Variants in EAF1 observed in about 807,000 individuals in gnomAD.
EAF1 encodes ELL associated factor 1.
EAF1 carries 19 observed loss-of-function variants against 26.6 expected under a neutral mutation model. The ratio of observed to expected loss-of-function variants is 0.71; its 90% CI spans 0.50 to 1.05. The LOEUF (loss-of-function observed/expected upper bound fraction) is 1.05. EAF1 is among the 50% of genes least tolerant of loss of function. EAF1 has a pLI of 0.00. For missense variants in EAF1, 260 were observed against 335.5 expected, an observed-to-expected ratio of 0.78 and a Z score of 1.76; for synonymous variants, 102 against 120.6, an observed-to-expected ratio of 0.85 and a Z score of 1.01.
chr3:15,432,911 GAT>G, intron 3 of EAF1, among the ~76,000 whole-genome samples: 1 of 151,594 alleles, frequency 6.6e-6, no homozygotes. Flanking sequence ...AAATTGTAAA[GAT>G]TGTCACAACC....
intron 3 of EAF1, chr3:15,433,335 C>T (rs1430244553): frequency 6.5e-6 from 1 of 153,016 alleles, no homozygotes; most frequent in African/African-American, 2.4e-5. Flanking sequence ...TCCTGCCACT[C>T]TATTTATTTG....
Position 15,440,143 on chromosome 3 carries a change from A to C in EAF1, c.*988A>C, listed in dbSNP as rs2061857069. 1 of 152,234 alleles carries C rather than the reference A, an allele frequency of 6.6e-6. No individual in the cohort carries two copies. The highest frequency in any genetic ancestry group is 2.4e-5 in the African/African-American group (1 of 41,442). 9.4% of individuals were successfully genotyped at this position (152,234 alleles called of 1,614,324 possible). On this transcript the variant is annotated 3_prime_UTR_variant, in exon 6 of 6. Coordinates refer to ENST00000396842, the MANE Select transcript of EAF1 (RefSeq NM_033083.7). ...GAGGTGTGAAGAAACCTCTCCGAAC[A>C]AATGAACCAGCAGTAAGTTTCTAAA...
At chr3:15,435,811 A>G (rs966764188) in intron 4 of EAF1, among the ~76,000 whole-genome samples, 2 of 152,170 alleles carry the variant, frequency 1.3e-5, no homozygotes, top group South Asian at 4.1e-4. Context: ...GGGACATGAG[A>G]GCTGGAAAGG....
At chr3:15,429,770 A>G (rs2061791907) in intron 1 of EAF1, 143 bp from the exon 2 acceptor site, 3 of 637,372 alleles carry the variant, frequency 4.7e-6, no homozygotes, top group Non-Finnish European at 5.5e-6. Flanking sequence ...AGTTTTCCAT[A>G]ACGAAACAGT....
chr3:15,434,483 T>TTC lies in EAF1; in HGVS notation c.474_475dup (p.Pro159LeufsTer3), dbSNP rs1369938324. ...CGAAGCCTCCAGTTGGACCCAAAACTTCTCCCTTGAAAGATAACCCCTCAC... is the reference window on the plus strand; with the variant it reads ...CGAAGCCTCCAGTTGGACCCAAAACTTCTCTCCCTTGAAAGATAACCCCTCAC... On this transcript the variant is annotated frameshift_variant, in exon 4 of 6. Coordinates refer to ENST00000396842, the MANE Select transcript of EAF1 (RefSeq NM_033083.7). LOFTEE classifies it high-confidence loss of function. 3 of 1,614,160 alleles carry TTC rather than the reference T, an allele frequency of 1.9e-6. No homozygotes were observed. The highest frequency in any genetic ancestry group is 2.5e-6 in the Non-Finnish European group (3 of 1,180,022).
rs936738375 is a variant in EAF1 at position 15,436,628 on chromosome 3, A to G, written c.760+53A>G. The G allele has an allele frequency of 6.4e-6, 9 of 1,411,534 alleles. No homozygotes were observed. In the African/African-American group the frequency reaches 1.3e-4, roughly 20 times the overall value. 87.4% of individuals were successfully genotyped at this position (1,411,534 alleles called of 1,614,324 possible). ...AGAGAGGGCCATAGGTGCAGCTTCTATTTATCCTGTGCCAGAACTTACAAA... is the reference window on the plus strand; with the variant it reads ...AGAGAGGGCCATAGGTGCAGCTTCTGTTTATCCTGTGCCAGAACTTACAAA... On this transcript the variant is annotated intron_variant, in intron 5 of 5. Transcript: ENST00000396842.
At chr3:15,438,479 C>G (rs2061847970) in intron 5 of EAF1, among the ~76,000 whole-genome samples, 1 of 151,406 alleles carries the variant, frequency 6.6e-6, no homozygotes, top group South Asian at 2.1e-4. Flanking sequence ...ATCAGTTCTT[C>G]CGAATGGTGA....
At chr3:15,430,569 A>G (rs573223893) in intron 2 of EAF1, among the ~76,000 whole-genome samples, 22 of 152,132 alleles carry the variant, frequency 1.4e-4, no homozygotes, top group African/African-American at 4.8e-4. Context: ...TCTTTTAGAT[A>G]TAGCTTTTCT....
At chr3:15,433,267 C>CT (rs1460511621) in intron 3 of EAF1, 1 of 147,092 alleles carries the variant, frequency 6.8e-6, no homozygotes, top group African/African-American at 2.5e-5. Context: ...GGTACGGAGA[C>CT]TGAGGGTTAG....
intron 1 of EAF1, 75 bp from the exon 2 acceptor site, chr3:15,429,838 C>T: frequency 1.1e-6 from 1 of 881,256 alleles, no homozygotes; most frequent in Non-Finnish European, 1.9e-6. Flanking sequence ...AATTTTAATT[C>T]TTAAATGGAG....
chr3:15,428,992 T>C (rs1237495551), intron 1 of EAF1, among the ~76,000 whole-genome samples: 1 of 152,260 alleles, frequency 6.6e-6, no homozygotes, highest in Non-Finnish European at 1.5e-5. Flanking sequence ...CTGAAGAGTT[T>C]ACTAAGTTGA....
In EAF1 at chr3:15,434,451, G is replaced by T. The variant is rs376196584; in HGVS notation, c.439G>T (p.Ala147Ser). 4.3e-6 allele frequency: 7 copies of T among 1,614,028 alleles called. No individual in the cohort carries two copies. The highest frequency in any genetic ancestry group is 2.2e-5 in the East Asian group (1 of 44,898). The change falls in exon 4 of 6, where the codon GCT (alanine) becomes TCT (serine). Residue 147 changes from alanine to serine, a missense_variant. Coordinates refer to ENST00000396842, the MANE Select transcript of EAF1 (RefSeq NM_033083.7). Reference sequence around the variant, plus strand: ...ACCTCCACCACCTATGCCATTCAGAGCTCCAACGAAGCCTCCAGTTGGACC... The same window carrying T: ...ACCTCCACCACCTATGCCATTCAGATCTCCAACGAAGCCTCCAGTTGGACC... ...PPPPPPMPFR[A>S]PTKPPVGPKT...
chr3:15,434,199 T>C, intron 3 of EAF1, 149 bp from the exon 4 acceptor site: 1 of 839,850 alleles, frequency 1.2e-6, no homozygotes, highest in Non-Finnish European at 1.9e-6. Context: ...AATGAATAGC[T>C]CACATGACAA....
intron 3 of EAF1, among the ~76,000 whole-genome samples, chr3:15,433,385 C>T (rs1249912300): frequency 6.6e-6 from 1 of 152,084 alleles, no homozygotes; most frequent in Non-Finnish European, 1.5e-5. Flanking sequence ...ACCGATATTC[C>T]TCCAATATCT....
At chr3:15,437,188 G>A (rs2061840824) in intron 5 of EAF1, among the ~76,000 whole-genome samples, 1 of 150,222 alleles carries the variant, frequency 6.7e-6, no homozygotes, top group Non-Finnish European at 1.5e-5. Context: ...GAACCACCAT[G>A]CCTGCCTATC....
rs761182198 is a variant in EAF1, at chr3:15,429,987, A to G, written c.178A>G (p.Ile60Val). 2.5e-6 allele frequency: 4 copies of G among 1,609,806 alleles called. No homozygotes were observed. The highest frequency in any genetic ancestry group is 2.7e-5 in the African/African-American group (2 of 74,732). ...LQVGKGDEVT[I>V]TLPHIPGSTP... ...AGTTGGCAAAGGAGATGAAGTCACAATTACACTGCCACATATCCCTGTGAG... is the reference window on the plus strand; with the variant it reads ...AGTTGGCAAAGGAGATGAAGTCACAGTTACACTGCCACATATCCCTGTGAG... The change falls in exon 2 of 6, where the codon ATT becomes GTT. Residue 60 changes from isoleucine to valine, a missense_variant. Coordinates refer to ENST00000396842, the MANE Select transcript of EAF1 (RefSeq NM_033083.7).
rs1040334601 is a variant in EAF1, at chr3:15,427,744, A to G, written c.-36A>G. Reference sequence around the variant, plus strand: ...AAGCTCGGATCGCGGCTGCACCGGGAGAGCGCCGATCTGGGTGCGAGGCAG... The same window carrying G: ...AAGCTCGGATCGCGGCTGCACCGGGGGAGCGCCGATCTGGGTGCGAGGCAG... On this transcript the variant is annotated 5_prime_UTR_variant, in exon 1 of 6. Transcript: ENST00000396842. 6.5e-7 allele frequency: 1 copy of G among 1,542,512 alleles called. No homozygotes were observed. The highest frequency in any genetic ancestry group is 8.8e-7 in the Non-Finnish European group (1 of 1,139,848).
intron 1 of EAF1, among the ~76,000 whole-genome samples, chr3:15,428,445 G>C (rs926277644): frequency 1.3e-5 from 2 of 152,122 alleles, no homozygotes; most frequent in African/African-American, 4.8e-5. Context: ...CGCCTCATCA[G>C]AGTCTTCTTC....
At chr3:15,433,158 C>CACACA (rs1379342818) in intron 3 of EAF1, 4 of 151,310 alleles carry the variant, frequency 2.6e-5, no homozygotes, top group African/African-American at 9.9e-5. Flanking sequence ...TGCACAGGGG[C>CACACA]CATGCTAATC....
Sources: gnomAD v4.1 joint callset for allele counts (sites outside exome capture counted in the v4.1 genomes callset) on GRCh38, gnomAD v4.1.1 for gene constraint, MANE v1.5 for transcripts, NCBI Gene and HGNC (gene_info 2026-07-23, HGNC 2026-07-21) for gene names.